Variants in ZCCHC7 observed in about 807,000 individuals in gnomAD.
ZCCHC7 encodes the protein zinc finger CCHC-type containing 7.
A neutral mutation model predicts 52.0 loss-of-function variants in ZCCHC7; 35 were observed. The ratio of observed to expected loss-of-function variants is 0.67; its 90% CI spans 0.51 to 0.89. The LOEUF (loss-of-function observed/expected upper bound fraction) is 0.89, where lower values mean the gene tolerates loss of function less well. Ranked by LOEUF, ZCCHC7 falls within the 40% of genes least tolerant of loss-of-function variation. The pLI is 0.00. For missense variants in ZCCHC7, 574 were observed against 649.1 expected, an observed-to-expected ratio of 0.88 and a Z score of 1.26; for synonymous variants, 217 against 221.5, an observed-to-expected ratio of 0.98 and a Z score of 0.18.
chr9:37,331,766 T>A (rs1244708371), intron 6 of ZCCHC7, among the ~76,000 whole-genome samples: 3 of 151,602 alleles, frequency 2.0e-5, no homozygotes, highest in Admixed American at 2.0e-4. Context: ...TTCCTAAATA[T>A]CTTTCTGAGA....
At chr9:37,325,396 T>C (rs931294873) in intron 5 of ZCCHC7, among the ~76,000 whole-genome samples, 21 of 152,220 alleles carry the variant, frequency 1.4e-4, no homozygotes, top group Admixed American at 5.2e-4. Context: ...TAGTAATTCA[T>C]TTTAAGTATT....
chr9:37,147,851 T>A (rs1052391146), intron 2 of ZCCHC7, among the ~76,000 whole-genome samples: 18 of 152,042 alleles, frequency 1.2e-4, no homozygotes, highest in African/African-American at 3.4e-4. Flanking sequence ...ATTGCATTTT[T>A]AAAAAAATCT....
At chr9:37,124,820 A>G (rs1452420017) in intron 1 of ZCCHC7, among the ~76,000 whole-genome samples, 1 of 152,228 alleles carries the variant, frequency 6.6e-6, no homozygotes, top group Non-Finnish European at 1.5e-5. Flanking sequence ...GTATTTATAC[A>G]TTATAAATAT....
rs371247081 is a variant in ZCCHC7 at position 37,136,486 on chromosome 9, G to A, written c.610+9544G>A. ...CCCCACCTGCAATCTCTCTCTCTCT[G>A]TCTTGCTCTCACCCAGGCAGGAGTA... On this transcript the variant is annotated intron_variant, in intron 2 of 8. Transcript: ENST00000336755. Among the ~76,000 whole-genome samples, 63 of 151,088 alleles carry A rather than the reference G, an allele frequency of 4.2e-4. No individual in the cohort carries two copies. The Middle Eastern group carries it at 0.01, about 24-fold the overall frequency.
chr9:37,169,548 CT>C (rs1025466242), intron 2 of ZCCHC7, among the ~76,000 whole-genome samples: 1 of 152,108 alleles, frequency 6.6e-6, no homozygotes, highest in African/African-American at 2.4e-5. Flanking sequence ...TCTAATTCCC[CT>C]GGTAACCCAA....
At chr9:37,188,212 G>A (rs1350767661) in intron 2 of ZCCHC7, among the ~76,000 whole-genome samples, 1 of 152,092 alleles carries the variant, frequency 6.6e-6, no homozygotes, top group African/African-American at 2.4e-5. Context: ...GTGCAGTGGT[G>A]TGATCACAAC....
chr9:37,197,540 A>G (rs1823353138), intron 2 of ZCCHC7, among the ~76,000 whole-genome samples: 1 of 152,216 alleles, frequency 6.6e-6, no homozygotes, highest in Admixed American at 6.5e-5. Context: ...TTATTTTGGA[A>G]ACGAAAATGC....
chr9:37,268,287 T>A (rs1027254599), intron 2 of ZCCHC7, among the ~76,000 whole-genome samples: 1 of 152,036 alleles, frequency 6.6e-6, no homozygotes, highest in Non-Finnish European at 1.5e-5. Flanking sequence ...ACTACCAGAT[T>A]TCTCTACCTG....
chr9:37,329,514 T>C (rs548894987), intron 6 of ZCCHC7, among the ~76,000 whole-genome samples: 7 of 152,018 alleles, frequency 4.6e-5, no homozygotes, highest in African/African-American at 1.7e-4. Context: ...TAAAATAATA[T>C]TGAAGTTGCC....
At chr9:37,274,006 GTTGCAAAAATAA>G (rs1304357564) in intron 2 of ZCCHC7, among the ~76,000 whole-genome samples, 2 of 152,012 alleles carry the variant, frequency 1.3e-5, no homozygotes, top group Non-Finnish European at 2.9e-5. Flanking sequence ...ATTTTAAAAA[GTTGCAAAAATAA>G]AAATGGTACT....
intron 2 of ZCCHC7, among the ~76,000 whole-genome samples, chr9:37,281,247 C>T (rs1827944876): frequency 6.6e-6 from 1 of 152,180 alleles, no homozygotes; most frequent in Non-Finnish European, 1.5e-5. Context: ...AACTCCTGGG[C>T]TCAAGTGATC....
intron 2 of ZCCHC7, among the ~76,000 whole-genome samples, chr9:37,260,048 A>G (rs925969838): frequency 2.0e-5 from 3 of 152,180 alleles, no homozygotes; most frequent in African/African-American, 7.2e-5. Context: ...AAATGCCTTG[A>G]TGAATTCTGA....
chr9:37,311,084 GT>G (rs1829579053), intron 5 of ZCCHC7, among the ~76,000 whole-genome samples: 1 of 152,048 alleles, frequency 6.6e-6, no homozygotes, highest in Non-Finnish European at 1.5e-5. Context: ...CAAGAAAGCA[GT>G]ATAGAATGTT....
At chr9:37,236,827 A>G (rs767118063) in intron 2 of ZCCHC7, among the ~76,000 whole-genome samples, 6 of 152,156 alleles carry the variant, frequency 3.9e-5, no homozygotes, top group Non-Finnish European at 8.8e-5. Flanking sequence ...AAATCATTTT[A>G]TCAGTTTCAC....
Position 37,180,167 on chromosome 9 carries a change from A to G in ZCCHC7, c.610+53225A>G, listed in dbSNP as rs370992271. On this transcript the variant is annotated intron_variant, in intron 2 of 8. Coordinates refer to ENST00000336755, the MANE Select transcript of ZCCHC7 (RefSeq NM_032226.3). ...GTATATTTGATATTCTATAAATGTA[A>G]TAGACTAGATGTCATTGGTTTAAAT... 2.8e-4 allele frequency among the ~76,000 whole-genome samples: 42 copies of G among 152,282 alleles called. No homozygotes were observed. In the East Asian group the frequency reaches 6.0e-3, roughly 22 times the overall value.
intron 2 of ZCCHC7, among the ~76,000 whole-genome samples, chr9:37,153,167 G>T (rs943193230): frequency 6.6e-6 from 1 of 151,060 alleles, no homozygotes; most frequent in Non-Finnish European, 1.5e-5. Context: ...ATTATTGATT[G>T]ATTGATTGAT....
intron 2 of ZCCHC7, among the ~76,000 whole-genome samples, chr9:37,234,958 T>A (rs1156742881): frequency 2.6e-5 from 4 of 152,248 alleles, no homozygotes; most frequent in African/African-American, 9.6e-5. Flanking sequence ...TATTTGATTA[T>A]GTACAATATA....
intron 2 of ZCCHC7, among the ~76,000 whole-genome samples, chr9:37,143,875 TAA>T (rs779311769): frequency 4.5e-4 from 68 of 151,984 alleles, no homozygotes; most frequent in Admixed American, 1.3e-3. Flanking sequence ...ATATGTAAAC[TAA>T]AAATTATAAA....
intron 5 of ZCCHC7, among the ~76,000 whole-genome samples, chr9:37,317,207 C>T (rs1378278927): frequency 6.6e-6 from 1 of 152,168 alleles, no homozygotes. Flanking sequence ...AGATTCACAT[C>T]AGACTTCTCC....
Sources: allele counts gnomAD v4.1 joint callset (sites outside exome capture counted in the v4.1 genomes callset), GRCh38; gene constraint gnomAD v4.1.1; transcripts MANE v1.5; gene names NCBI Gene and HGNC (gene_info 2026-07-23, HGNC 2026-07-21).